The following GAB2 variants were observed in gnomAD, a reference collection of about 807,000 sequenced individuals.
GAB2 encodes the protein GRB2 associated binding protein 2.
In GAB2, 26 loss-of-function variants were observed where a neutral mutation model predicts 65.5. The observed-to-expected ratio is 0.40, with a 90% CI of 0.29 to 0.55. The LOEUF is 0.55. Ranked by LOEUF, GAB2 falls within the 20% of genes least tolerant of loss-of-function variation. GAB2 has a pLI of 0.53. For missense variants in GAB2, 884 were observed against 875.8 expected, an observed-to-expected ratio of 1.01 and a Z score of -0.12; for synonymous variants, 321 against 329.6, an observed-to-expected ratio of 0.97 and a Z score of 0.28.
chr11:78,288,682 G>T (rs186840727), intron 1 of GAB2, among the ~76,000 whole-genome samples: 1 of 152,194 alleles, frequency 6.6e-6, no homozygotes, highest in African/African-American at 2.4e-5. Context: ...AGAAATCAAA[G>T]GAGACTTAAA....
intron 3 of GAB2, among the ~76,000 whole-genome samples, chr11:78,237,108 G>C (rs1865003590): frequency 6.6e-6 from 1 of 152,130 alleles, no homozygotes; most frequent in Non-Finnish European, 1.5e-5. Context: ...GAAAGACTGT[G>C]GGTAAGATTG....
intron 1 of GAB2, among the ~76,000 whole-genome samples, chr11:78,310,015 T>C (rs1435273077): frequency 6.7e-6 from 1 of 149,950 alleles, no homozygotes; most frequent in Non-Finnish European, 1.5e-5. Context: ...GTGGGGTAAG[T>C]TGTCACAATG....
In GAB2 at chr11:78,243,176, G is replaced by GA. The variant is rs1243666087; in HGVS notation, c.620+6980dup. ...GAGACTCTGTCTAGAAAAAAAAAAA[G>GA]AAAAAAAAAGGCTGGGCATGGTGGC... On this transcript the variant is annotated intron_variant, in intron 3 of 9. Coordinates refer to ENST00000361507, the MANE Select transcript of GAB2 (RefSeq NM_080491.3). Among the ~76,000 whole-genome samples the GA allele has an allele frequency of 4.2e-5, 6 of 141,902 alleles. No individual in the cohort carries two copies. The East Asian group carries it at 6.4e-4, about 15-fold the overall frequency. 93.1% of individuals were successfully genotyped at this position (141,902 alleles called of 152,430 possible). A position where few individuals can be genotyped will look rare whatever the true frequency, so the allele number is the denominator to read the frequency against.
rs372962811 is a variant in GAB2 at position 78,307,604 on chromosome 11, T to TAGAGGGAGAGAGAGAG, written c.76-26704_76-26703insCTCTCTCTCTCCCTCT. ...GAGATCCCATCTCTACAAAAAATGT[T>TAGAGGGAGAGAGAGAG]AGAGAGAGAGAGAGAGAGAGAGAGA... On this transcript the variant is annotated intron_variant, in intron 1 of 9. Transcript: ENST00000361507. Among the ~76,000 whole-genome samples the TAGAGGGAGAGAGAGAG allele has an allele frequency of 8.1e-3, 985 of 121,914 alleles. 9 individuals are homozygous for TAGAGGGAGAGAGAGAG. Among genetic ancestry groups the TAGAGGGAGAGAGAGAG allele is most frequent in the Non-Finnish European group, 0.012 (717 of 61,126 alleles). 80.0% of individuals were successfully genotyped at this position (121,914 alleles called of 152,430 possible). A position where few individuals can be genotyped will look rare whatever the true frequency, so the allele number is the denominator to read the frequency against.
intron 1 of GAB2, among the ~76,000 whole-genome samples, chr11:78,359,152 T>C (rs534546008): frequency 1.3e-5 from 2 of 152,166 alleles, no homozygotes; most frequent in Non-Finnish European, 2.9e-5. Flanking sequence ...TGAAGTTCAA[T>C]AATTAAATAA....
chr11:78,363,602 T>C (rs950908233), intron 1 of GAB2, among the ~76,000 whole-genome samples: 2 of 151,368 alleles, frequency 1.3e-5, no homozygotes, highest in Admixed American at 6.6e-5. Context: ...TTTTTTTTTT[T>C]GAGACAGGGT....
chr11:78,321,135 T>C (rs1855715762), intron 1 of GAB2, among the ~76,000 whole-genome samples: 1 of 152,162 alleles, frequency 6.6e-6, no homozygotes, highest in African/African-American at 2.4e-5. Flanking sequence ...GATGTACATT[T>C]GGATGTCATC....
chr11:78,263,452 T>C (rs182547355), intron 2 of GAB2, among the ~76,000 whole-genome samples: 3 of 152,010 alleles, frequency 2.0e-5, no homozygotes, highest in African/African-American at 7.2e-5. Context: ...GCTAACACGG[T>C]GAAACCCCAT....
At chr11:78,245,236 A>C (rs1183953271) in intron 3 of GAB2, among the ~76,000 whole-genome samples, 3 of 152,220 alleles carry the variant, frequency 2.0e-5, no homozygotes, top group Non-Finnish European at 4.4e-5. Flanking sequence ...TTGATTATAT[A>C]ACAATATGAA....
intron 1 of GAB2, among the ~76,000 whole-genome samples, chr11:78,414,246 G>A (rs945313865): frequency 1.3e-5 from 2 of 152,070 alleles, no homozygotes; most frequent in African/African-American, 4.8e-5. Context: ...CTGAAAGACT[G>A]GATTAATTTT....
intron 1 of GAB2, among the ~76,000 whole-genome samples, chr11:78,327,586 T>C (rs1449735144): frequency 6.6e-6 from 1 of 152,190 alleles, no homozygotes; most frequent in African/African-American, 2.4e-5. Flanking sequence ...TGAATGTTTC[T>C]AGAGCCTACA....
chr11:78,255,459 A>G (rs1034292000), intron 2 of GAB2, among the ~76,000 whole-genome samples: 6 of 152,200 alleles, frequency 3.9e-5, no homozygotes, highest in Non-Finnish European at 8.8e-5. Flanking sequence ...AAATAATTAC[A>G]AAGCTAAATT....
intron 1 of GAB2, among the ~76,000 whole-genome samples, chr11:78,282,391 C>G (rs779354453): frequency 7.1e-4 from 107 of 151,636 alleles, no homozygotes; most frequent in Non-Finnish European, 1.3e-3. Context: ...ATTGCAACCT[C>G]TGCCTCCTGG....
At chr11:78,374,607 C>T (rs7929685) in intron 1 of GAB2, among the ~76,000 whole-genome samples, 8,035 of 152,224 alleles carry the variant, frequency 0.053, 656 homozygotes, top group African/African-American at 0.18. Flanking sequence ...CTGGTCATTA[C>T]GCTGAATGCT....
intron 2 of GAB2, among the ~76,000 whole-genome samples, chr11:78,269,025 C>A (rs1251748582): frequency 6.8e-6 from 1 of 147,522 alleles, no homozygotes; most frequent in East Asian, 2.1e-4. Flanking sequence ...TTTAAAATAA[C>A]CTTTTTTTCT....
intron 3 of GAB2, among the ~76,000 whole-genome samples, chr11:78,236,005 G>A (rs1006742210): frequency 6.6e-6 from 1 of 152,062 alleles, no homozygotes; most frequent in Admixed American, 6.6e-5. Context: ...TTTTTATTTG[G>A]ATTGTGTTGA....
chr11:78,311,610 A>G (rs1440550638), intron 1 of GAB2, among the ~76,000 whole-genome samples: 1 of 152,230 alleles, frequency 6.6e-6, no homozygotes, highest in Non-Finnish European at 1.5e-5. Context: ...CCACTATAAC[A>G]TAACAACAAA....
chr11:78,228,941 C>G (rs1042994956), intron 3 of GAB2, among the ~76,000 whole-genome samples: 7 of 152,128 alleles, frequency 4.6e-5, no homozygotes, highest in Admixed American at 1.3e-4. Flanking sequence ...GTTGGATGCT[C>G]CCATCTGGAT....
chr11:78,378,165 T>TG (rs1591075063), intron 1 of GAB2, among the ~76,000 whole-genome samples: 2 of 152,296 alleles, frequency 1.3e-5, no homozygotes, highest in East Asian at 3.9e-4. Flanking sequence ...GTAAGGACCT[T>TG]GCCTTTTAGG....
Sources: allele counts gnomAD v4.1 joint callset (sites outside exome capture counted in the v4.1 genomes callset), GRCh38; gene constraint gnomAD v4.1.1; transcripts MANE v1.5; gene names NCBI Gene and HGNC (gene_info 2026-07-23, HGNC 2026-07-21).